FOLH1: variants seen among roughly 807,000 people sequenced by gnomAD.
The protein encoded by FOLH1 is folate hydrolase 1.
Under a neutral mutation model 93.9 loss-of-function variants are expected in FOLH1, and 54 were observed. The ratio of observed to expected loss-of-function variants is 0.57; its 90% CI spans 0.46 to 0.72. The LOEUF is 0.72. Among genes scored for constraint, FOLH1 ranks in the 30% least tolerant of loss-of-function variants. The pLI, the probability that FOLH1 is intolerant of heterozygous loss-of-function variation, is 0.00. For missense variants in FOLH1, 571 were observed against 892.5 expected, an observed-to-expected ratio of 0.64 and a Z score of 4.59; for synonymous variants, 249 against 303.6, an observed-to-expected ratio of 0.82 and a Z score of 1.87.
At chr11:49,203,417 G>A (rs1290866886) in intron 2 of FOLH1, among the ~76,000 whole-genome samples, 2 of 152,190 alleles carry the variant, frequency 1.3e-5, no homozygotes, top group Non-Finnish European at 2.9e-5. Flanking sequence ...GGCAGTGGGG[G>A]CTTTTAAGAG....
At chr11:49,195,120 C>G (rs571525149) in intron 3 of FOLH1, among the ~76,000 whole-genome samples, 1 of 152,112 alleles carries the variant, frequency 6.6e-6, no homozygotes, top group Non-Finnish European at 1.5e-5. Flanking sequence ...ATGTTTTTCC[C>G]AAAGAAACAC....
chr11:49,154,733 G>A (rs1856831254), intron 15 of FOLH1, among the ~76,000 whole-genome samples: 3 of 151,790 alleles, frequency 2.0e-5, no homozygotes, highest in Admixed American at 2.0e-4. Flanking sequence ...ATTTGAAAGG[G>A]ACCAAACTGG....
Position 49,191,670 on chromosome 11 carries a change from CAT to C in FOLH1, c.513+1121_513+1122del, listed in dbSNP as rs1862057654. On this transcript the variant is annotated intron_variant, in intron 4 of 18. Transcript: ENST00000256999. The stretch of plus-strand genomic sequence containing the variant: ...AATATGATGTCTTCTCAGCCAGAAA[CAT>C]AAACGGTTTAACTGTTTTTTCTTTT... Among the ~76,000 whole-genome samples the C allele has an allele frequency of 5.9e-5, 9 of 152,256 alleles. No homozygotes were observed. The South Asian group carries it at 1.9e-3, about 32-fold the overall frequency.
At chr11:49,192,155 T>C (rs1367606552) in intron 4 of FOLH1, among the ~76,000 whole-genome samples, 1 of 152,138 alleles carries the variant, frequency 6.6e-6, no homozygotes, top group East Asian at 1.9e-4. Flanking sequence ...ATCTGGTCTT[T>C]TATATTTAGC....
At chr11:49,201,255 G>T (rs1330712628) in intron 2 of FOLH1, among the ~76,000 whole-genome samples, 14 of 139,874 alleles carry the variant, frequency 1.0e-4, no homozygotes, top group African/African-American at 2.9e-4. Context: ...AGCATGAAAA[G>T]ATATATATAT....
At chr11:49,157,380 C>T (rs1327664333) in intron 14 of FOLH1, among the ~76,000 whole-genome samples, 1 of 152,058 alleles carries the variant, frequency 6.6e-6, no homozygotes, top group Non-Finnish European at 1.5e-5. Context: ...ACCATTATCT[C>T]TATCATGGGT....
rs149119867 is a variant in FOLH1 at position 49,194,078 on chromosome 11, G to C, written c.412-1184C>G. 6.8e-4 allele frequency among the ~76,000 whole-genome samples: 90 copies of C among 133,136 alleles called. 1 individual carries two copies. The East Asian group carries it at 0.016, about 24-fold the overall frequency. 87.3% of individuals were successfully genotyped at this position (133,136 alleles called of 152,430 possible). ...GAGACAGGAGAATCACTTGAACCCA[G>C]CAGGCAAGCTTGCAGTGAGTGGAGA... is the stretch of plus-strand genomic sequence containing the variant. On this transcript the variant is annotated intron_variant, in intron 3 of 18. Transcript: ENST00000256999.
chr11:49,166,651 T>G (rs540131226), intron 12 of FOLH1, among the ~76,000 whole-genome samples: 17 of 152,230 alleles, frequency 1.1e-4, no homozygotes, highest in Non-Finnish European at 1.8e-4. Context: ...TTGTACATTT[T>G]ACATTTTAAC....
At chr11:49,163,644 A>G (rs2134999018) in intron 13 of FOLH1, among the ~76,000 whole-genome samples, 1 of 151,796 alleles carries the variant, frequency 6.6e-6, no homozygotes, top group South Asian at 2.1e-4. Context: ...CAGGCCCTTG[A>G]ATTCAGCCTC....
chr11:49,200,176 A>G (rs1863114036), intron 3 of FOLH1, 79 bp downstream of exon 3: 2 of 1,215,598 alleles, frequency 1.6e-6, no homozygotes, highest in African/African-American at 3.1e-5. Context: ...GAGATGGGAT[A>G]GAACATTATT....
rs112805726 is a variant in FOLH1, at chr11:49,194,316, A to C, written c.412-1422T>G. On this transcript the variant is annotated intron_variant, in intron 3 of 18. Coordinates refer to ENST00000256999, the MANE Select transcript of FOLH1 (RefSeq NM_004476.3). ...TAGTATGCCTCAAGCGAAAATATTT[A>C]TTTTAAAGCAGTGCCAGGTTTGTAG... 5.0e-3 allele frequency among the ~76,000 whole-genome samples: 754 copies of C among 152,086 alleles called. 4 individuals are homozygous for C. Among genetic ancestry groups the C allele is most frequent in the African/African-American group, 0.017 (718 of 41,478 alleles).
intron 3 of FOLH1, among the ~76,000 whole-genome samples, chr11:49,195,721 A>C (rs1862545336): frequency 6.6e-6 from 1 of 152,190 alleles, no homozygotes; most frequent in South Asian, 2.1e-4. Context: ...ATTTATTAAA[A>C]AGAGGCACAT....
chr11:49,172,396 A>G (rs979847425), intron 10 of FOLH1, among the ~76,000 whole-genome samples: 1 of 149,134 alleles, frequency 6.7e-6, no homozygotes, highest in African/African-American at 2.6e-5. Context: ...TAGAGACATC[A>G]TGGTTTTGAG....
chr11:49,192,929 A>G (rs1268618906), intron 3 of FOLH1, 35 bp from the exon 4 acceptor site: 1 of 1,529,592 alleles, frequency 6.5e-7, no homozygotes, highest in Non-Finnish European at 8.8e-7. Flanking sequence ...AAAATAAAAC[A>G]GTTAAAGTTT....
chr11:49,201,987 A>G (rs947172014), intron 2 of FOLH1, among the ~76,000 whole-genome samples: 22 of 152,256 alleles, frequency 1.4e-4, no homozygotes, highest in Non-Finnish European at 5.9e-5. Context: ...ACTCATTTGA[A>G]CAAAACACAT....
intron 3 of FOLH1, among the ~76,000 whole-genome samples, chr11:49,193,489 T>C (rs1289733991): frequency 6.6e-6 from 1 of 152,138 alleles, no homozygotes; most frequent in African/African-American, 2.4e-5. Context: ...TCAATCATTA[T>C]AATAGTGCTT....
At chr11:49,199,307 C>T (rs1565212447) in intron 3 of FOLH1, among the ~76,000 whole-genome samples, 4 of 152,154 alleles carry the variant, frequency 2.6e-5, no homozygotes, top group Non-Finnish European at 5.9e-5. Context: ...ATTTTGTGAT[C>T]TTTCATATTG....
At chr11:49,188,487 C>T (rs2988359) in intron 4 of FOLH1, among the ~76,000 whole-genome samples, 5,054 of 136,398 alleles carry the variant, frequency 0.037, 122 homozygotes, top group Non-Finnish European at 0.053. Context: ...CACTCCAGCC[C>T]GGGCGACAGA....
At chr11:49,149,313 C>A (rs551577317) in intron 17 of FOLH1, among the ~76,000 whole-genome samples, 97 of 152,118 alleles carry the variant, frequency 6.4e-4, no homozygotes, top group South Asian at 1.5e-3. Flanking sequence ...TTAAGTACAG[C>A]GTTCTTGGAG....
Sources: gnomAD v4.1 joint callset for allele counts (sites outside exome capture counted in the v4.1 genomes callset) on GRCh38, gnomAD v4.1.1 for gene constraint, MANE v1.5 for transcripts, NCBI Gene and HGNC (gene_info 2026-07-23, HGNC 2026-07-21) for gene names.